LRRC20: variants seen among roughly 807,000 people sequenced by gnomAD.
LRRC20 encodes the protein leucine-rich repeat-containing protein 20.
LRRC20 carries 11 observed loss-of-function variants against 14.4 expected under a neutral mutation model. The ratio of observed to expected loss-of-function variants is 0.77; its 90% CI spans 0.48 to 1.27. LRRC20 has a LOEUF of 1.27. LRRC20 is among the 50% of genes most tolerant of loss of function. LRRC20 has a pLI of 0.00. For synonymous variants in LRRC20, 121 were observed against 107.3 expected (o/e 1.13, Z -0.79); for missense variants, 219 against 251.2 (o/e 0.87, Z 0.87).
chr10:70,365,080 G>A lies in LRRC20; in HGVS notation c.82+11372C>T, dbSNP rs559772263. ...TTTTTTTTTTTTTTTTTTTTTTTGA[G>A]ATGAAGTCTTGCTCTGCCGCCCAGG... On this transcript the variant is annotated intron_variant, in intron 2 of 4. Coordinates refer to ENST00000446961, the MANE Select transcript of LRRC20 (RefSeq NM_001278212.2). 6.5e-5 allele frequency among the ~76,000 whole-genome samples: 6 copies of A among 92,918 alleles called. No individual in the cohort carries two copies. In the South Asian group the frequency reaches 2.2e-3, roughly 33 times the overall value. 61.0% of individuals were successfully genotyped at this position (92,918 alleles called of 152,430 possible). A position where few individuals can be genotyped will look rare whatever the true frequency, so the allele number is the denominator to read the frequency against.
Position 70,302,773 on chromosome 10 carries a change from C to T in LRRC20, c.401-1265G>A, listed in dbSNP as rs372658337. 1.1e-3 allele frequency among the ~76,000 whole-genome samples: 166 copies of T among 150,970 alleles called. 3 individuals are homozygous for T. Among genetic ancestry groups the T allele is most frequent in the African/African-American group, 3.5e-3 (146 of 41,140 alleles). On this transcript the variant is annotated intron_variant, in intron 4 of 4. Coordinates refer to ENST00000446961, the MANE Select transcript of LRRC20 (RefSeq NM_001278212.2). ...TCGCCCAGGCTGGAGTGCAGTGGCG[C>T]GATCTCGACTCACTGCAAGCTCCGC... is the stretch of plus-strand genomic sequence containing the variant.
intron 4 of LRRC20, among the ~76,000 whole-genome samples, chr10:70,306,562 T>G (rs985760996): frequency 1.3e-5 from 2 of 152,224 alleles, no homozygotes; most frequent in African/African-American, 4.8e-5. Flanking sequence ...ATGTCCTTCC[T>G]GGGGTATCAC....
intron 3 of LRRC20, among the ~76,000 whole-genome samples, chr10:70,333,715 C>T (rs1298016805): frequency 6.6e-6 from 1 of 152,206 alleles, no homozygotes; most frequent in Non-Finnish European, 1.5e-5. Flanking sequence ...TGCAGAAGGC[C>T]ACAACCTTGT....
In LRRC20 at chr10:70,300,279, C is replaced by A. The variant is rs3183518; in HGVS notation, c.*1075G>T. 0.35 allele frequency: 286,947 copies of A among 827,954 alleles called. 51,404 individuals are homozygous for A. The highest frequency in any genetic ancestry group is 0.37 in the Non-Finnish European group (252,054 of 686,342). 51.3% of individuals were successfully genotyped at this position (827,954 alleles called of 1,614,324 possible). On this transcript the variant is annotated 3_prime_UTR_variant, in exon 5 of 5. Transcript: ENST00000446961. The stretch of plus-strand genomic sequence containing the variant: ...ACCAACCATCCCCACTTGCTGGGTA[C>A]TGTCCCAGTTTTAGCATTGAAAGTT...
chr10:70,364,968 C>T (rs1367706450), intron 2 of LRRC20, among the ~76,000 whole-genome samples: 1 of 152,032 alleles, frequency 6.6e-6, no homozygotes, highest in African/African-American at 2.4e-5. Context: ...AACAGTAAGC[C>T]AGTGATTCTC....
intron 2 of LRRC20, among the ~76,000 whole-genome samples, chr10:70,368,869 C>T (rs1478544323): frequency 6.6e-6 from 1 of 152,248 alleles, no homozygotes; most frequent in African/African-American, 2.4e-5. Context: ...GCAATCTGCC[C>T]GCCTCAGCGT....
intron 1 of LRRC20, among the ~76,000 whole-genome samples, chr10:70,378,032 G>T (rs933505143): frequency 2.3e-5 from 1 of 42,964 alleles, no homozygotes; most frequent in African/African-American, 1.0e-4. Context: ...AACTTGCTAG[G>T]TTAATATGAG....
At chr10:70,380,180 G>T (rs1405803412) in intron 1 of LRRC20, among the ~76,000 whole-genome samples, 1 of 152,150 alleles carries the variant, frequency 6.6e-6, no homozygotes, top group African/African-American at 2.4e-5. Flanking sequence ...TATTGTGTGG[G>T]TCAGAGTGTA....
chr10:70,337,122 T>C (rs76687494), intron 3 of LRRC20, among the ~76,000 whole-genome samples: 2,897 of 152,288 alleles, frequency 0.019, 43 homozygotes, highest in Non-Finnish European at 0.03. Flanking sequence ...CCAGGAGACA[T>C]TGTGGCAGGC....
intron 4 of LRRC20, among the ~76,000 whole-genome samples, chr10:70,311,755 T>C (rs1233106744): frequency 6.6e-6 from 1 of 152,248 alleles, no homozygotes; most frequent in South Asian, 2.1e-4. Flanking sequence ...CAGTGGCCTA[T>C]GGCAAGGCAA....
rs542707702 is a variant in LRRC20, at chr10:70,345,153, T to C, written c.83-4451A>G. Among the ~76,000 whole-genome samples, 4 of 152,062 alleles carry C rather than the reference T, an allele frequency of 2.6e-5. No individual in the cohort carries two copies. In the South Asian group the frequency reaches 6.2e-4, roughly 24 times the overall value. ...AACAGAGGGCAAAATGGAAAATAGA[T>C]CATAGAAAGAAATTATGTAGTTCAA... is the stretch of plus-strand genomic sequence containing the variant. On this transcript the variant is annotated intron_variant, in intron 2 of 4. Coordinates refer to ENST00000446961, the MANE Select transcript of LRRC20 (RefSeq NM_001278212.2).
chr10:70,301,276 TC>T lies in LRRC20; in HGVS notation c.*77del. 1.4e-6 allele frequency: 2 copies of T among 1,464,330 alleles called. No homozygotes were observed. Among genetic ancestry groups the T allele is most frequent in the Admixed American group, 4.1e-5 (2 of 48,392 alleles). The allele number at this position is 1,464,330 out of a possible 1,614,324, so 90.7% of individuals were successfully genotyped here. A position where few individuals can be genotyped will look rare whatever the true frequency, so the allele number is the denominator to read the frequency against. Reference sequence around the variant, plus strand: ...CCGCCCCCAGCCCCCAGGCTTGGCCTCCCATGGGCCTCCCTCCCTTCCAGGG... The same window carrying T: ...CCGCCCCCAGCCCCCAGGCTTGGCCTCCATGGGCCTCCCTCCCTTCCAGGG... On this transcript the variant is annotated 3_prime_UTR_variant, in exon 5 of 5. Transcript: ENST00000446961.
chr10:70,380,582 C>A (rs1296515247), intron 1 of LRRC20, among the ~76,000 whole-genome samples: 7 of 152,210 alleles, frequency 4.6e-5, no homozygotes, highest in Admixed American at 3.3e-4. Context: ...CCCCAGCCAG[C>A]TGGCACTACT....
chr10:70,361,743 C>T (rs945249663), intron 2 of LRRC20, among the ~76,000 whole-genome samples: 2 of 149,064 alleles, frequency 1.3e-5, no homozygotes, highest in Non-Finnish European at 3.0e-5. Flanking sequence ...CTCTGCAGAA[C>T]GGTACACAGA....
chr10:70,325,030 T>C (rs1456109240), intron 3 of LRRC20, among the ~76,000 whole-genome samples: 2 of 152,248 alleles, frequency 1.3e-5, no homozygotes, highest in East Asian at 1.9e-4. Context: ...CCCCAGGGGC[T>C]GTCCAGTCCC....
chr10:70,324,745 G>T (rs1004626580), intron 3 of LRRC20, among the ~76,000 whole-genome samples: 8 of 152,180 alleles, frequency 5.3e-5, no homozygotes, highest in African/African-American at 1.9e-4. Context: ...GTGCAGGGAG[G>T]AGAGCTGGGG....
intron 3 of LRRC20, among the ~76,000 whole-genome samples, chr10:70,336,607 G>A (rs1253007871): frequency 6.6e-6 from 1 of 152,128 alleles, no homozygotes; most frequent in Admixed American, 6.5e-5. Flanking sequence ...AGGATGCTCC[G>A]CCTCTAGTTA....
At chr10:70,307,162 C>G (rs1459564008) in intron 4 of LRRC20, among the ~76,000 whole-genome samples, 2 of 152,218 alleles carry the variant, frequency 1.3e-5, no homozygotes, top group Non-Finnish European at 2.9e-5. Flanking sequence ...GTAAGTGTGA[C>G]TGACTAAGCC....
At chr10:70,370,630 C>T (rs910811403) in intron 2 of LRRC20, among the ~76,000 whole-genome samples, 2 of 152,098 alleles carry the variant, frequency 1.3e-5, no homozygotes, top group African/African-American at 4.8e-5. Context: ...GTAACCCCAG[C>T]TACTTGGGAG....
Sources: gnomAD v4.1 joint callset for allele counts (sites outside exome capture counted in the v4.1 genomes callset) on GRCh38, gnomAD v4.1.1 for gene constraint, MANE v1.5 for transcripts, NCBI Gene and HGNC (gene_info 2026-07-23, HGNC 2026-07-21) for gene names.